Variants in C1orf21 observed in about 807,000 individuals in gnomAD.
C1orf21 encodes chromosome 1 open reading frame 21.
Under a neutral mutation model 18.7 loss-of-function variants are expected in C1orf21, and 3 were observed. The ratio of observed to expected loss-of-function variants is 0.16; its 90% CI spans 0.07 to 0.42. The LOEUF is 0.42. Among genes scored for constraint, C1orf21 ranks in the 10% least tolerant of loss-of-function variants. The pLI, the probability that C1orf21 is intolerant of heterozygous loss-of-function variation, is 0.99. For missense variants in C1orf21, 104 were observed against 143.6 expected, an observed-to-expected ratio of 0.72 and a Z score of 1.41; for synonymous variants, 41 against 46.4, an observed-to-expected ratio of 0.88 and a Z score of 0.47.
chr1:184,505,495 G>A (rs1209835559), intron 2 of C1orf21, among the ~76,000 whole-genome samples: 2 of 151,552 alleles, frequency 1.3e-5, no homozygotes, highest in Non-Finnish European at 2.9e-5. Flanking sequence ...AGGCATGATG[G>A]CTCACGCCTG....
intron 1 of C1orf21, among the ~76,000 whole-genome samples, chr1:184,438,662 G>C (rs919914627): frequency 7.2e-5 from 11 of 152,320 alleles, no homozygotes; most frequent in African/African-American, 2.4e-4. Flanking sequence ...TCCATCGGCA[G>C]GTAGCTCTGC....
chr1:184,435,451 C>T (rs1301653256), intron 1 of C1orf21, among the ~76,000 whole-genome samples: 1 of 152,222 alleles, frequency 6.6e-6, no homozygotes, highest in African/African-American at 2.4e-5. Flanking sequence ...GCAAGCAATT[C>T]TCCTGCCTCA....
At chr1:184,391,867 C>T (rs1325054433) in intron 1 of C1orf21, among the ~76,000 whole-genome samples, 4 of 152,024 alleles carry the variant, frequency 2.6e-5, no homozygotes, top group Admixed American at 2.6e-4. Context: ...GCCACCATGG[C>T]TGGCTAATTT....
At chr1:184,409,994 G>A (rs2101961104) in intron 1 of C1orf21, among the ~76,000 whole-genome samples, 1 of 152,330 alleles carries the variant, frequency 6.6e-6, no homozygotes, top group East Asian at 1.9e-4. Context: ...GCTCTGTGGA[G>A]AAGAAAGTCC....
chr1:184,426,814 G>A (rs1053883812), intron 1 of C1orf21, among the ~76,000 whole-genome samples: 1 of 152,124 alleles, frequency 6.6e-6, no homozygotes, highest in Non-Finnish European at 1.5e-5. Context: ...TACTGGGTGC[G>A]ATAACACAAT....
At chr1:184,456,278 G>A (rs531154548) in intron 1 of C1orf21, among the ~76,000 whole-genome samples, 5 of 152,274 alleles carry the variant, frequency 3.3e-5, no homozygotes, top group South Asian at 2.1e-4. Context: ...CTTTGTGCTT[G>A]AATCAACTCT....
chr1:184,460,712 C>CTTTT (rs1657295387), intron 1 of C1orf21, among the ~76,000 whole-genome samples: 4 of 104,700 alleles, frequency 3.8e-5, no homozygotes, highest in Admixed American at 9.1e-5. Context: ...TTCTCTTCTT[C>CTTTT]CTTTTTTTTT....
intron 5 of C1orf21, among the ~76,000 whole-genome samples, chr1:184,599,066 G>A (rs1659553929): frequency 6.6e-6 from 1 of 151,998 alleles, no homozygotes; most frequent in Admixed American, 6.6e-5. Flanking sequence ...TAGTGTGTGG[G>A]GATTTATACT....
At chr1:184,573,368 A>G (rs541817899) in intron 3 of C1orf21, among the ~76,000 whole-genome samples, 2 of 152,300 alleles carry the variant, frequency 1.3e-5, no homozygotes, top group South Asian at 4.1e-4. Flanking sequence ...TCAATCACTT[A>G]AAATGTCAAG....
intron 3 of C1orf21, among the ~76,000 whole-genome samples, chr1:184,513,472 T>C (rs1658180665): frequency 6.6e-6 from 1 of 152,222 alleles, no homozygotes; most frequent in South Asian, 2.1e-4. Flanking sequence ...TAGAGGACAC[T>C]GGTTGATAAG....
chr1:184,531,081 A>G (rs1265501999), intron 3 of C1orf21, among the ~76,000 whole-genome samples: 1 of 152,190 alleles, frequency 6.6e-6, no homozygotes, highest in Non-Finnish European at 1.5e-5. Flanking sequence ...ACCTGTTTCA[A>G]AGTGATCTGG....
At chr1:184,516,567 A>G (rs1658231829) in intron 3 of C1orf21, among the ~76,000 whole-genome samples, 1 of 152,226 alleles carries the variant, frequency 6.6e-6, no homozygotes, top group South Asian at 2.1e-4. Flanking sequence ...GAAGCTTCAC[A>G]ATCATGGCAG....
Position 184,613,752 on chromosome 1 carries a change from A to G in C1orf21, c.328-5766A>G, listed in dbSNP as rs543669456. On this transcript the variant is annotated intron_variant, in intron 5 of 5. Transcript: ENST00000235307. ...TCCATTAGGTACCCAAAATACAAAG[A>G]TGGACAAGAAACATGTTTTCCCCCT... 3.9e-5 allele frequency among the ~76,000 whole-genome samples: 6 copies of G among 152,266 alleles called. No individual in the cohort carries two copies. In the East Asian group the frequency reaches 1.2e-3, roughly 29 times the overall value.
chr1:184,405,427 C>G (rs922086533), intron 1 of C1orf21, among the ~76,000 whole-genome samples: 4 of 152,088 alleles, frequency 2.6e-5, no homozygotes, highest in Non-Finnish European at 5.9e-5. Context: ...AACTCCCAGT[C>G]CCAAGCCATC....
intron 1 of C1orf21, among the ~76,000 whole-genome samples, chr1:184,405,197 C>T (rs1277614273): frequency 4.0e-5 from 6 of 149,782 alleles, no homozygotes; most frequent in Non-Finnish European, 8.9e-5. Flanking sequence ...GCTAATAATT[C>T]TTTTTTTTTT....
intron 2 of C1orf21, among the ~76,000 whole-genome samples, chr1:184,495,607 A>G (rs1016636151): frequency 2.0e-5 from 3 of 152,128 alleles, no homozygotes; most frequent in Admixed American, 6.5e-5. Flanking sequence ...TCTCTGTAAA[A>G]GACACTGTTT....
At chr1:184,585,618 CCCACCTT>C (rs1420080855) in intron 3 of C1orf21, among the ~76,000 whole-genome samples, 1 of 152,190 alleles carries the variant, frequency 6.6e-6, no homozygotes, top group Non-Finnish European at 1.5e-5. Context: ...TCTCCCACCT[CCCACCTT>C]CCACCCTCTA....
intron 1 of C1orf21, among the ~76,000 whole-genome samples, chr1:184,448,847 T>C (rs993740934): frequency 5.3e-5 from 8 of 152,090 alleles, no homozygotes; most frequent in African/African-American, 1.9e-4. Flanking sequence ...GTCCCTGCCT[T>C]TCTAAGTTCT....
intron 1 of C1orf21, among the ~76,000 whole-genome samples, chr1:184,444,999 T>C (rs2101976728): frequency 6.6e-6 from 1 of 152,320 alleles, no homozygotes; most frequent in Non-Finnish European, 1.5e-5. Flanking sequence ...TGCTGTAATA[T>C]TATATGTGAT....
Sources: gnomAD v4.1 joint callset for allele counts (sites outside exome capture counted in the v4.1 genomes callset) on GRCh38, gnomAD v4.1.1 for gene constraint, MANE v1.5 for transcripts, NCBI Gene and HGNC (gene_info 2026-07-23, HGNC 2026-07-21) for gene names.